The following SLC19A1 variants were observed in gnomAD, a reference collection of about 807,000 sequenced individuals.
SLC19A1 encodes solute carrier family 19 member 1.
In SLC19A1, 37 loss-of-function variants were observed where a neutral mutation model predicts 35.3. The observed-to-expected ratio is 1.05, with a 90% CI of 0.81 to 1.38. SLC19A1 has a LOEUF of 1.38. Among genes scored for constraint, SLC19A1 ranks in the 40% most tolerant of loss-of-function variants. SLC19A1 has a pLI of 0.00. For missense variants in SLC19A1, 831 were observed against 826.9 expected (o/e 1.00, Z -0.06); for synonymous variants, 460 against 398.5 (o/e 1.15, Z -1.84).
rs2037763394 is a variant in SLC19A1 at position 45,514,097 on chromosome 21, T to TGCGGAGGGAGCAGGCC, written c.*1545_*1560dup. 1 of 152,696 alleles carries TGCGGAGGGAGCAGGCC rather than the reference T, an allele frequency of 6.5e-6. No individual in the cohort carries two copies. The highest frequency in any genetic ancestry group is 6.5e-5 in the Admixed American group (1 of 15,296). 9.5% of individuals were successfully genotyped at this position (152,696 alleles called of 1,614,324 possible). A position where few individuals can be genotyped will look rare whatever the true frequency, so the allele number is the denominator to read the frequency against. ...CAGGCAGTGGGTGCAGTGAGCAGGC[T>TGCGGAGGGAGCAGGCC]GCGGAGGGAGCAGGCCCTCAGGTTG... is the stretch of plus-strand genomic sequence containing the variant. On this transcript the variant is annotated 3_prime_UTR_variant, in exon 6 of 6. Transcript: ENST00000311124.
downstream of SLC19A1, chr21:45,510,254 A>C (rs755671130): frequency 3.7e-6 from 6 of 1,604,226 alleles, no homozygotes; most frequent in Admixed American, 1.7e-5. Flanking sequence ...CCCATCGTCA[A>C]CCTCAAGGTG....
Position 45,530,887 on chromosome 21 carries a change from G to GA in SLC19A1, c.1033_1034insT (p.Thr345IlefsTer49), listed in dbSNP as rs2077856869. On this transcript the variant is annotated frameshift_variant, in exon 4 of 6. Transcript: ENST00000311124. LOFTEE classifies it high-confidence loss of function. This position sits in a 1 kb window ranked among gnomAD's most constrained non-coding sequence, Gnocchi z 5.3. Reference sequence around the variant, plus strand: ...CAGAAGGAAGACCAGCCCCGCCTGCGTGGCCGTGACGCCCGCGATGAGCAG... The same window carrying GA: ...CAGAAGGAAGACCAGCCCCGCCTGCGATGGCCGTGACGCCCGCGATGAGCAG... 1 of 1,483,886 alleles carries GA rather than the reference G, an allele frequency of 6.7e-7. No homozygotes were observed. Among genetic ancestry groups the GA allele is most frequent in the South Asian group, 1.4e-5 (1 of 73,756 alleles). The allele number at this position is 1,483,886 out of a possible 1,614,324, so 91.9% of individuals were successfully genotyped here. A position where few individuals can be genotyped will look rare whatever the true frequency, so the allele number is the denominator to read the frequency against.
rs1034785186 is a variant in SLC19A1, at chr21:45,519,865, G to A, written c.1294-3725C>T. On this transcript the variant is annotated intron_variant, in intron 5 of 5. Coordinates refer to ENST00000311124, the MANE Select transcript of SLC19A1 (RefSeq NM_194255.4). ...GGAAATCAATACCATCAGCCAACAG[G>A]ATCTGATCAGCATTTACAGAACACT... 3.9e-5 allele frequency among the ~76,000 whole-genome samples: 6 copies of A among 152,194 alleles called. No individual in the cohort carries two copies. In the South Asian group the frequency reaches 1.2e-3, roughly 32 times the overall value.
intron 1 of SLC19A1, among the ~76,000 whole-genome samples, chr21:45,553,460 G>C (rs1054684978): frequency 6.6e-6 from 1 of 151,748 alleles, no homozygotes; most frequent in Admixed American, 6.6e-5. Flanking sequence ...TATTTTTTTT[G>C]TGGTAAAAGA....
chr21:45,511,090 T>TTC, downstream of SLC19A1: 1 of 1,171,658 alleles, frequency 8.5e-7, no homozygotes, highest in Non-Finnish European at 1.2e-6. Context: ...CACACACACA[T>TTC]ACACACGGTT....
At position 45,504,517 on chromosome 21, in the gene SLC19A1, CCCA is replaced by C. The variant is rs757787509; in HGVS notation, c.498-5908_498-5906del. 238 of 13,174 alleles carry C rather than the reference CCCA, an allele frequency of 0.018. 2 individuals are homozygous for C. The African/African-American group carries it at 0.32, about 18-fold the overall frequency. The allele number at this position is 13,174 out of a possible 1,614,324, so 0.8% of individuals were successfully genotyped here. On this transcript the variant is annotated intron_variant, in intron 3 of 4. Coordinates refer to the SLC19A1 transcript ENST00000417954. ...CCAGCCTGCCCGGCCCCCCCGGCCC[CCCA>C]GGCCCCCCAGGCCCACGTGGCTACC...
At chr21:45,562,692 T>C (rs1364500872) in intron 1 of SLC19A1, among the ~76,000 whole-genome samples, 1 of 152,160 alleles carries the variant, frequency 6.6e-6, no homozygotes, top group African/African-American at 2.4e-5. Context: ...TAGGCAAAGA[T>C]GGCCATAAAC....
upstream of SLC19A1, among the ~76,000 whole-genome samples, chr21:45,542,649 C>T (rs13051456): frequency 6.7e-6 from 1 of 149,312 alleles, no homozygotes; most frequent in African/African-American, 2.4e-5. Flanking sequence ...CCTCGTGCTG[C>T]GGCCCTACCC....
chr21:45,558,891 C>G (rs1221496155), intron 1 of SLC19A1, among the ~76,000 whole-genome samples: 1 of 151,560 alleles, frequency 6.6e-6, no homozygotes, highest in South Asian at 2.1e-4. Context: ...TGACTACAAC[C>G]TCTGCCTCCC....
downstream of SLC19A1, chr21:45,512,047 C>T (rs1488739155): frequency 1.5e-5 from 13 of 864,700 alleles, no homozygotes; most frequent in Non-Finnish European, 2.3e-5. Context: ...GGCCATGTGG[C>T]CCTCCAGGTT....
chr21:45,520,989 C>T (rs1481762401), intron 5 of SLC19A1, among the ~76,000 whole-genome samples: 2 of 149,618 alleles, frequency 1.3e-5, no homozygotes, highest in Admixed American at 1.3e-4. Flanking sequence ...CATTGCACTC[C>T]AGCCTGGGCA....
upstream of SLC19A1, among the ~76,000 whole-genome samples, chr21:45,546,589 C>G (rs765671871): frequency 6.6e-6 from 1 of 152,224 alleles, no homozygotes; most frequent in Non-Finnish European, 1.5e-5. Context: ...GCTTAAATAG[C>G]CCATCTTTAC....
rs948853671 is a variant in SLC19A1 at position 45,515,274 on chromosome 21, A to T, written c.*384T>A. On this transcript the variant is annotated 3_prime_UTR_variant, in exon 6 of 6. Coordinates refer to ENST00000311124, the MANE Select transcript of SLC19A1 (RefSeq NM_194255.4). The stretch of plus-strand genomic sequence containing the variant: ...GCTCCCACCCTGCCCTAGAGGGCTC[A>T]CAACTCCTGTGGGGCCAGTGTCCCC... 8.5e-5 allele frequency: 127 copies of T among 1,487,448 alleles called. No homozygotes were observed. Among genetic ancestry groups the T allele is most frequent in the Non-Finnish European group, 1.1e-4 (124 of 1,132,658 alleles). The allele number at this position is 1,487,448 out of a possible 1,614,324, so 92.1% of individuals were successfully genotyped here. A position where few individuals can be genotyped will look rare whatever the true frequency, so the allele number is the denominator to read the frequency against.
intron 3 of SLC19A1, chr21:45,504,091 G>A (rs773830583): frequency 6.2e-7 from 1 of 1,607,144 alleles, no homozygotes; most frequent in Non-Finnish European, 8.5e-7. Flanking sequence ...GGCCCCCAAG[G>A]TCCTGTACAT....
chr21:45,516,152 G>A lies in SLC19A1; in HGVS notation c.1294-12C>T, dbSNP rs543796701. ...GAGTATAACTGGAACTGGAAAGAGA[G>A]GCCGGGTGAGGCGGGTGGGGAGGGC... On this transcript the variant is annotated splice_polypyrimidine_tract_variant and intron_variant, in intron 5 of 5. Transcript: ENST00000311124. The A allele has an allele frequency of 1.2e-6, 2 of 1,603,728 alleles. No individual in the cohort carries two copies. Among genetic ancestry groups the A allele is most frequent in the Non-Finnish European group, 1.7e-6 (2 of 1,175,312 alleles).
downstream of SLC19A1, chr21:45,509,533 T>G: frequency 1.3e-6 from 2 of 1,538,050 alleles, no homozygotes; most frequent in South Asian, 2.4e-5. Context: ...CCACAGCTCC[T>G]ACGTGCACCT....
Position 45,505,572 on chromosome 21 carries a change from G to A in SLC19A1, c.498-6960C>T, listed in dbSNP as rs561104285. The A allele has an allele frequency of 1.1e-3, 727 of 686,630 alleles. 7 individuals carry two copies. The African/African-American group carries it at 0.011, about 11-fold the overall frequency. 42.5% of individuals were successfully genotyped at this position (686,630 alleles called of 1,614,324 possible). On this transcript the variant is annotated intron_variant, in intron 3 of 4. Transcript: ENST00000417954. ...AAGATGCGGTTTCCAGGGTGGAAGC[G>A]GGGCCAGGCCATGGGGGAATCAGGT...
Position 45,517,935 on chromosome 21 carries a change from C to T in SLC19A1, c.1294-1795G>A, listed in dbSNP as rs2038051129. Among the ~76,000 whole-genome samples the T allele has an allele frequency of 6.6e-6, 1 of 152,198 alleles. No homozygotes were observed. Among genetic ancestry groups the T allele is most frequent in the South Asian group, 2.1e-4 (1 of 4,832 alleles). ...CCTGCAGGAGTTGCGTCAGCCACAACAGGATGCTGAAATTACATCATACCC... is the reference window on the plus strand; with the variant it reads ...CCTGCAGGAGTTGCGTCAGCCACAATAGGATGCTGAAATTACATCATACCC... On this transcript the variant is annotated intron_variant, in intron 5 of 5. Transcript: ENST00000311124. This position sits in a 1 kb window ranked among gnomAD's most constrained non-coding sequence, Gnocchi z 4.4.
At chr21:45,525,709 TG>T in intron 5 of SLC19A1, 107 bp downstream of exon 5, 1 of 1,311,852 alleles carries the variant, frequency 7.6e-7, no homozygotes, top group Non-Finnish European at 1.1e-6. Flanking sequence ...CCGCACCCTG[TG>T]CCCCCAGCCC....
Sources: gnomAD v4.1 joint callset for allele counts (sites outside exome capture counted in the v4.1 genomes callset) on GRCh38, gnomAD v4.1.1 for gene constraint, Gnocchi (gnomAD v3.1) non-coding constraint, MANE v1.5 for transcripts, NCBI Gene and HGNC (gene_info 2026-07-23, HGNC 2026-07-21) for gene names.